PCDHGB3: variants seen among roughly 807,000 people sequenced by gnomAD.
The protein encoded by PCDHGB3 is protocadherin gamma subfamily B, 3, also known as protocadherin gamma-B3.
A neutral mutation model predicts 59.2 loss-of-function variants in PCDHGB3; 40 were observed. The observed-to-expected ratio is 0.68, with a 90% CI of 0.52 to 0.88. The LOEUF (loss-of-function observed/expected upper bound fraction) is 0.88. Ranked by LOEUF, PCDHGB3 falls within the 40% of genes least tolerant of loss-of-function variation. The pLI is 0.00. For synonymous variants in PCDHGB3, 581 were observed against 503.6 expected (o/e 1.15, Z -2.06); for missense variants, 1,309 against 1,187.9 (o/e 1.10, Z -1.50).
At chr5:141,382,732 G>A in intron 1 of PCDHGB3, 1 of 562,814 alleles carries the variant, frequency 1.8e-6, no homozygotes, top group African/African-American at 1.9e-5. Context: ...TTACAGCACA[G>A]AGAAACGACA....
chr5:141,478,337 T>C (rs766980546), intron 1 of PCDHGB3: 1 of 1,613,942 alleles, frequency 6.2e-7, no homozygotes, highest in Non-Finnish European at 8.5e-7. Context: ...ACCAGGGCCC[T>C]CCTTGCACGC....
intron 1 of PCDHGB3, among the ~76,000 whole-genome samples, chr5:141,433,553 T>C (rs530467777): frequency 1.3e-5 from 2 of 151,614 alleles, no homozygotes; most frequent in African/African-American, 4.8e-5. Flanking sequence ...TATTCTTTTC[T>C]GGCTGGGCGC....
At chr5:141,400,234 G>T (rs749957043) in intron 1 of PCDHGB3, 6 of 1,613,868 alleles carry the variant, frequency 3.7e-6, no homozygotes, top group African/African-American at 1.3e-5. Context: ...CCTCCTGGCC[G>T]TGATTCTGGC....
intron 3 of PCDHGB3, among the ~76,000 whole-genome samples, chr5:141,508,738 A>C (rs1596171196): frequency 7.1e-5 from 10 of 141,304 alleles, no homozygotes; most frequent in Admixed American, 1.4e-4. Context: ...TACACCCCCC[A>C]CCCCGCTCTT....
rs192995605 is a variant in PCDHGB3 at position 141,395,094 on chromosome 5, G to C, written c.2415+22285G>C. 2.2e-4 allele frequency: 348 copies of C among 1,614,160 alleles called. 5 individuals carry two copies. The East Asian group carries it at 7.6e-3, about 35-fold the overall frequency. ...CTATTCCCAGGAAGTCTCCCTCACC[G>C]CCGACTCGCGGAAGAGTCACCTGAT... On this transcript the variant is annotated intron_variant, in intron 1 of 3. Transcript: ENST00000576222.
rs2099400874 is a variant in PCDHGB3 at position 141,476,888 on chromosome 5, C to T, written c.2416-17919C>T. On this transcript the variant is annotated intron_variant, in intron 1 of 3. Transcript: ENST00000576222. This position sits in a 1 kb window ranked among gnomAD's most constrained non-coding sequence, Gnocchi z 7.6. ...CCGGGCGCGCGTCCTGGAGGATGCA[C>T]CCTCCGGCACGCGCGTGGTACAAGT... is the stretch of plus-strand genomic sequence containing the variant. 1.2e-6 allele frequency: 2 copies of T among 1,613,964 alleles called. No homozygotes were observed. The highest frequency in any genetic ancestry group is 1.7e-6 in the Non-Finnish European group (2 of 1,180,030).
At chr5:141,376,643 A>G (rs1465583488) in intron 1 of PCDHGB3, 17 of 1,013,920 alleles carry the variant, frequency 1.7e-5, no homozygotes, top group Non-Finnish European at 2.4e-5. Context: ...GATTTTGTAA[A>G]GTGGAAGACT....
At chr5:141,425,209 A>ATCAT (rs1368049572) in intron 1 of PCDHGB3, among the ~76,000 whole-genome samples, 2 of 152,180 alleles carry the variant, frequency 1.3e-5, no homozygotes, top group Admixed American at 1.3e-4. Flanking sequence ...GATGTAAGGC[A>ATCAT]TTGTACTTTG....
intron 1 of PCDHGB3, chr5:141,384,384 C>T (rs142665639): frequency 6.2e-7 from 1 of 1,613,816 alleles, no homozygotes; most frequent in Non-Finnish European, 8.5e-7. Flanking sequence ...CCGAAGACAC[C>T]ATCCAGGGGG....
At position 141,477,677 on chromosome 5, in the gene PCDHGB3, TC is replaced by T; in HGVS notation, c.2416-17128del. On this transcript the variant is annotated intron_variant, in intron 1 of 3. Transcript: ENST00000576222. This position sits in a 1 kb window ranked among gnomAD's most constrained non-coding sequence, Gnocchi z 4.9. ...AAATCGTGACAATGGCATAGTGTCA[TC>T]CTTAGTGCCCCTAGACTATGAGGAT... 1 of 1,614,174 alleles carries T rather than the reference TC, an allele frequency of 6.2e-7. No homozygotes were observed. The highest frequency in any genetic ancestry group is 8.5e-7 in the Non-Finnish European group (1 of 1,180,038).
intron 1 of PCDHGB3, among the ~76,000 whole-genome samples, chr5:141,448,809 A>G (rs998129053): frequency 9.2e-5 from 14 of 151,812 alleles, no homozygotes; most frequent in Non-Finnish European, 1.8e-4. Flanking sequence ...GCCAGGCGTG[A>G]TGGCGGGCGC....
chr5:141,435,781 C>T (rs3828680), intron 1 of PCDHGB3, among the ~76,000 whole-genome samples: 81,882 of 151,942 alleles, frequency 0.54, 24,120 homozygotes, highest in African/African-American at 0.79. Flanking sequence ...TGTAAAGGTG[C>T]AGGGAAACAT....
chr5:141,403,634 A>T, intron 1 of PCDHGB3: 1 of 1,613,920 alleles, frequency 6.2e-7, no homozygotes, highest in Non-Finnish European at 8.5e-7. Flanking sequence ...CACAGTGCGC[A>T]TCCATGTGAC....
intron 1 of PCDHGB3, chr5:141,405,103 G>T (rs368202826): frequency 3.1e-6 from 5 of 1,613,804 alleles, no homozygotes; most frequent in Non-Finnish European, 4.2e-6. Flanking sequence ...TCAGGCTGAG[G>T]CACTGGCACT....
intron 1 of PCDHGB3, chr5:141,408,837 T>A: frequency 6.2e-7 from 1 of 1,613,716 alleles, no homozygotes; most frequent in Non-Finnish European, 8.5e-7. Flanking sequence ...AGCTTGATAT[T>A]GACTGCCTTG....
At position 141,395,545 on chromosome 5, in the gene PCDHGB3, TGTG is replaced by T. The variant is rs1561655187; in HGVS notation, c.2415+22737_2415+22739del. The T allele has an allele frequency of 2.9e-4, 51 of 177,126 alleles. 1 individual carries two copies. The highest frequency in any genetic ancestry group is 1.2e-3 in the African/African-American group (46 of 38,988). 11.0% of individuals were successfully genotyped at this position (177,126 alleles called of 1,614,324 possible). A position where few individuals can be genotyped will look rare whatever the true frequency, so the allele number is the denominator to read the frequency against. ...ATACTGGTAATTTTGCTATTGTTTG[TGTG>T]TGTGTGTGTGTGTGTGTGTGTGTGT... is the stretch of plus-strand genomic sequence containing the variant. On this transcript the variant is annotated intron_variant, in intron 1 of 3. Coordinates refer to ENST00000576222, the MANE Select transcript of PCDHGB3 (RefSeq NM_018924.5).
At chr5:141,376,952 G>T (rs1773571680) in intron 1 of PCDHGB3, 1 of 165,710 alleles carries the variant, frequency 6.0e-6, no homozygotes, top group African/African-American at 2.4e-5. Flanking sequence ...CTCCCAAAGT[G>T]CTGGGATTAC....
chr5:141,408,597 A>G (rs1389452276), intron 1 of PCDHGB3: 1 of 1,614,042 alleles, frequency 6.2e-7, no homozygotes, highest in Non-Finnish European at 8.5e-7. Context: ...CACGCCCCTC[A>G]ATTTGATAAA....
chr5:141,435,181 T>C (rs1249878603), intron 1 of PCDHGB3, among the ~76,000 whole-genome samples: 1 of 152,184 alleles, frequency 6.6e-6, no homozygotes, highest in African/African-American at 2.4e-5. Context: ...TTAACTACAC[T>C]TGAGATGGCT....
Sources: gnomAD v4.1 joint callset for allele counts (sites outside exome capture counted in the v4.1 genomes callset) on GRCh38, gnomAD v4.1.1 for gene constraint, Gnocchi (gnomAD v3.1) non-coding constraint, MANE v1.5 for transcripts, NCBI Gene and HGNC (gene_info 2026-07-23, HGNC 2026-07-21) for gene names.